The following TXLNB variants were observed in gnomAD, a reference collection of about 807,000 sequenced individuals.
TXLNB encodes beta-taxilin.
In TXLNB, 37 loss-of-function variants were observed where a neutral mutation model predicts 57.4. That is an observed-to-expected ratio of 0.64 (90% confidence interval 0.50 to 0.85). TXLNB has a LOEUF of 0.85. TXLNB is among the 40% of genes least tolerant of loss of function. The pLI is 0.00. For missense variants in TXLNB, 848 were observed against 825.6 expected, an observed-to-expected ratio of 1.03 and a Z score of -0.33; for synonymous variants, 302 against 309.6, an observed-to-expected ratio of 0.98 and a Z score of 0.26.
chr6:139,222,132 A>G, the TXLNB span, among the ~76,000 whole-genome samples: 3 of 152,148 alleles, frequency 2.0e-5, no homozygotes. Context: ...ATGAATCAAA[A>G]TCTCTAATTA....
At chr6:139,239,926 T>C (rs1775888874), downstream of TXLNB, 1 of 152,082 alleles carries the variant, frequency 6.6e-6, no homozygotes, top group African/African-American at 2.4e-5. The surrounding 1 kb of genome is among the most constrained non-coding windows in gnomAD (Gnocchi z 4.7). Flanking sequence ...TACACGTAAT[T>C]CTATTTAGTG....
At chr6:139,304,718 G>C in the TXLNB span, among the ~76,000 whole-genome samples, 52,618 of 152,060 alleles carry the variant, frequency 0.35, 9,386 homozygotes, top group Middle Eastern at 0.42. Context: ...ACAATGAAGA[G>C]AGTCCAGCCT....
intron 5 of TXLNB, 100 bp downstream of exon 5, chr6:139,262,479 T>A (rs1386509669): frequency 9.4e-7 from 1 of 1,061,296 alleles, no homozygotes; most frequent in Non-Finnish European, 1.3e-6. Flanking sequence ...ATTAATCAGT[T>A]GAGAGGGCTG....
chr6:139,296,156 T>C (rs1777385620), upstream of TXLNB, among the ~76,000 whole-genome samples: 1 of 152,146 alleles, frequency 6.6e-6, no homozygotes, highest in Non-Finnish European at 1.5e-5. Context: ...CTGGCTCCTA[T>C]TCTTCCTCTT....
the TXLNB span, chr6:139,177,152 T>C: frequency 1.3e-6 from 1 of 748,266 alleles, no homozygotes; most frequent in South Asian, 1.6e-5. This position sits in a 1 kb window ranked among gnomAD's most constrained non-coding sequence, Gnocchi z 4.9. Context: ...ATTATTACTT[T>C]ATTACATATC....
the TXLNB span, among the ~76,000 whole-genome samples, chr6:139,163,507 C>G: frequency 6.6e-6 from 1 of 152,074 alleles, no homozygotes; most frequent in Non-Finnish European, 1.5e-5. Flanking sequence ...GTGTGCGCCA[C>G]TACACCCAGC....
At chr6:139,172,351 G>A in the TXLNB span, among the ~76,000 whole-genome samples, 1 of 152,210 alleles carries the variant, frequency 6.6e-6, no homozygotes, top group Admixed American at 6.5e-5. Flanking sequence ...GGGCTGACAT[G>A]CTGCTGCAGT....
At chr6:139,288,957 C>T in intron 1 of TXLNB, 44 bp from the exon 2 acceptor site, 1 of 1,409,168 alleles carries the variant, frequency 7.1e-7, no homozygotes, top group Non-Finnish European at 9.8e-7. Flanking sequence ...AACCTACTTG[C>T]TACATATCAA....
Position 139,247,829 on chromosome 6 carries a change from CTGT to C in TXLNB, c.1155_1157del (p.Gln386del). 1 of 1,602,594 alleles carries C rather than the reference CTGT, an allele frequency of 6.2e-7. No individual in the cohort carries two copies. Among genetic ancestry groups the C allele is most frequent in the Non-Finnish European group, 8.5e-7 (1 of 1,174,196 alleles). On this transcript the variant is annotated inframe_deletion, in exon 8 of 10. Coordinates refer to ENST00000358430, the MANE Select transcript of TXLNB (RefSeq NM_153235.4). ...AAGCAATACTCACTTTGTCCATTTCCTGTTTGAACGTGGCAAACACCTCGTTGC... is the reference window on the plus strand; with the variant it reads ...AAGCAATACTCACTTTGTCCATTTCCTTGAACGTGGCAAACACCTCGTTGC...
chr6:139,204,600 G>A, the TXLNB span, among the ~76,000 whole-genome samples: 2 of 152,178 alleles, frequency 1.3e-5, no homozygotes, highest in Admixed American at 1.3e-4. Flanking sequence ...GGGGCAAGTG[G>A]GAAGTGTGCT....
At chr6:139,162,683 A>G in the TXLNB span, among the ~76,000 whole-genome samples, 1 of 152,232 alleles carries the variant, frequency 6.6e-6, no homozygotes, top group African/African-American at 2.4e-5. Context: ...TAATTGTAAC[A>G]TATGACAGAA....
the TXLNB span, among the ~76,000 whole-genome samples, chr6:139,174,022 A>G: frequency 5.3e-5 from 8 of 152,352 alleles, no homozygotes; most frequent in African/African-American, 1.9e-4. Context: ...TATGCTAAAC[A>G]TAAACTTTTG....
At chr6:139,319,149 G>A in the TXLNB span, among the ~76,000 whole-genome samples, 1 of 151,658 alleles carries the variant, frequency 6.6e-6, no homozygotes, top group African/African-American at 2.4e-5. Context: ...TTACCATGTT[G>A]GCCAGGCTGG....
At chr6:139,227,693 T>C in the TXLNB span, among the ~76,000 whole-genome samples, 1 of 152,200 alleles carries the variant, frequency 6.6e-6, no homozygotes, top group African/African-American at 2.4e-5. Context: ...TAGATCACTA[T>C]ATGACAATGA....
At chr6:139,300,304 C>A in the TXLNB span, among the ~76,000 whole-genome samples, 21 of 152,260 alleles carry the variant, frequency 1.4e-4, no homozygotes, top group East Asian at 1.7e-3. Context: ...TATGTGTGGT[C>A]TTTTTCTCTG....
the TXLNB span, among the ~76,000 whole-genome samples, chr6:139,175,411 AAG>A: frequency 6.6e-6 from 1 of 152,152 alleles, no homozygotes; most frequent in African/African-American, 2.4e-5. Context: ...GATTTTTGTA[AAG>A]AGAGTATCTT....
chr6:139,188,603 T>A, the TXLNB span, among the ~76,000 whole-genome samples: 1 of 152,192 alleles, frequency 6.6e-6, no homozygotes, highest in African/African-American at 2.4e-5. Context: ...AACTGAAAAA[T>A]TTCTGAAAGA....
chr6:139,305,588 A>T, the TXLNB span, among the ~76,000 whole-genome samples: 1 of 152,214 alleles, frequency 6.6e-6, no homozygotes, highest in Non-Finnish European at 1.5e-5. Flanking sequence ...ATAAATTGTT[A>T]GAGTCAGAAA....
At chr6:139,177,244 T>C in the TXLNB span, 31 of 583,688 alleles carry the variant, frequency 5.3e-5, no homozygotes, top group African/African-American at 5.7e-4. The surrounding 1 kb of genome is among the most constrained non-coding windows in gnomAD (Gnocchi z 4.9). Context: ...GCCACTAAAA[T>C]AGGGGCTGCC....
Sources: gnomAD v4.1 joint callset for allele counts (sites outside exome capture counted in the v4.1 genomes callset) on GRCh38, gnomAD v4.1.1 for gene constraint, Gnocchi (gnomAD v3.1) non-coding constraint, MANE v1.5 for transcripts, NCBI Gene and HGNC (gene_info 2026-07-23, HGNC 2026-07-21) for gene names.